The following ZDHHC13 variants were observed in gnomAD, a reference collection of about 807,000 sequenced individuals.
ZDHHC13 encodes palmitoyltransferase ZDHHC13.
A neutral mutation model predicts 86.0 loss-of-function variants in ZDHHC13; 85 were observed. The observed-to-expected ratio is 0.99, with a 90% CI of 0.83 to 1.18. The LOEUF (loss-of-function observed/expected upper bound fraction) is 1.18, where lower values mean the gene tolerates loss of function less well. Among genes scored for constraint, ZDHHC13 ranks in the 50% most tolerant of loss-of-function variants. The probability of loss-of-function intolerance (pLI) is 0.00; values close to 1 mark genes in which losing one functional copy is unlikely to be tolerated. For synonymous variants in ZDHHC13, 263 were observed against 246.4 expected, an observed-to-expected ratio of 1.07 and a Z score of -0.63; for missense variants, 711 against 730.2, an observed-to-expected ratio of 0.97 and a Z score of 0.30.
chr11:19,153,838 C>G (rs1849682944), intron 8 of ZDHHC13, among the ~76,000 whole-genome samples: 1 of 151,972 alleles, frequency 6.6e-6, no homozygotes, highest in Non-Finnish European at 1.5e-5. Context: ...GCTGGTAACT[C>G]CAGCATTCCT....
At position 19,172,723 on chromosome 11, in the gene ZDHHC13, A is replaced by T. The variant is rs1330690970; in HGVS notation, c.1633A>T (p.Ile545Phe). 1.3e-6 allele frequency: 2 copies of T among 1,591,720 alleles called. No individual in the cohort carries two copies. Among genetic ancestry groups the T allele is most frequent in the East Asian group, 2.3e-5 (1 of 44,056 alleles). The change falls in exon 16 of 17, where the codon ATT becomes TTT. Residue 545 changes from isoleucine to phenylalanine, a missense_variant and splice_region_variant. Physicochemically the swap from Ile to Phe is conservative, Grantham distance 21. Transcript: ENST00000446113. The part of the protein sequence containing the change: ...TFLLLNQLFQ[I>F]AFLGLTSHER... ...GCAACCTTCCACCCTTCTTTTTCAG[A>T]TTGCCTTTCTGGGCCTGACCTCCCA...
intron 2 of ZDHHC13, among the ~76,000 whole-genome samples, chr11:19,144,363 C>T (rs1323642018): frequency 6.6e-6 from 1 of 151,664 alleles, no homozygotes; most frequent in African/African-American, 2.4e-5. Flanking sequence ...TTCTTCAGGT[C>T]CTGGACCTTC....
At chr11:19,140,642 A>G (rs1451607896) in intron 1 of ZDHHC13, among the ~76,000 whole-genome samples, 2 of 152,124 alleles carry the variant, frequency 1.3e-5, no homozygotes, top group Admixed American at 6.5e-5. Context: ...CATTATTCAC[A>G]ATAGTGAAGA....
intron 1 of ZDHHC13, among the ~76,000 whole-genome samples, chr11:19,121,032 C>G (rs1170079373): frequency 6.6e-6 from 1 of 152,184 alleles, no homozygotes; most frequent in Non-Finnish European, 1.5e-5. Flanking sequence ...TTGTGCATTT[C>G]TCTTAAGTAG....
At chr11:19,130,855 T>C (rs1590062716) in intron 1 of ZDHHC13, among the ~76,000 whole-genome samples, 1 of 152,014 alleles carries the variant, frequency 6.6e-6, no homozygotes, top group African/African-American at 2.4e-5. Context: ...TTTTTGTTTT[T>C]TTTTTTTTGA....
chr11:19,142,842 C>T (rs1289330713), intron 1 of ZDHHC13, 136 bp from the exon 2 acceptor site: 1 of 955,778 alleles, frequency 1.0e-6, no homozygotes, highest in Non-Finnish European at 1.5e-6. Context: ...TCAAGTCATT[C>T]TCAGGATACA....
At chr11:19,158,864 T>G (rs1849830123) in intron 9 of ZDHHC13, 76 bp from the exon 10 acceptor site, 2 of 963,146 alleles carry the variant, frequency 2.1e-6, no homozygotes, top group African/African-American at 1.7e-5. Context: ...ATTACTACCA[T>G]TATTATTTAG....
intron 13 of ZDHHC13, among the ~76,000 whole-genome samples, 173 bp from the exon 14 acceptor site, chr11:19,166,129 G>A (rs573369229): frequency 6.6e-6 from 1 of 152,300 alleles, no homozygotes; most frequent in East Asian, 1.9e-4. Context: ...ACAATTGACT[G>A]TGACATATCA....
intron 1 of ZDHHC13, among the ~76,000 whole-genome samples, chr11:19,120,965 C>T (rs552247010): frequency 1.1e-4 from 16 of 152,132 alleles, no homozygotes; most frequent in South Asian, 2.1e-4. Context: ...AGCTTCAGGG[C>T]GTTAGTGAAC....
At chr11:19,117,141 G>A (rs1848660741), upstream of ZDHHC13, 2 of 1,241,890 alleles carry the variant, frequency 1.6e-6, no homozygotes, top group Admixed American at 2.0e-5. This position sits in a 1 kb window ranked among gnomAD's most constrained non-coding sequence, Gnocchi z 4.2. Flanking sequence ...AGCGGCGGAG[G>A]TGAGGGCGCC....
At chr11:19,166,523 G>A in intron 14 of ZDHHC13, 138 bp downstream of exon 14, 1 of 597,036 alleles carries the variant, frequency 1.7e-6, no homozygotes, top group African/African-American at 1.9e-5. Context: ...ATGCCTCTAA[G>A]ACTCCCTCAG....
chr11:19,154,484 G>A (rs116632037), intron 8 of ZDHHC13, among the ~76,000 whole-genome samples: 27 of 152,210 alleles, frequency 1.8e-4, no homozygotes, highest in Middle Eastern at 3.4e-3. Context: ...TAGATATGGC[G>A]TAGAGAGGTG....
intron 15 of ZDHHC13, among the ~76,000 whole-genome samples, chr11:19,171,472 A>G (rs2133483249): frequency 6.6e-6 from 1 of 152,326 alleles, no homozygotes; most frequent in Middle Eastern, 3.4e-3. Context: ...GAAGGGAGGG[A>G]AAAAGAAAGA....
chr11:19,158,828 C>A, intron 9 of ZDHHC13, 112 bp from the exon 10 acceptor site: 1 of 684,192 alleles, frequency 1.5e-6, no homozygotes, highest in Non-Finnish European at 2.4e-6. Flanking sequence ...TATGTGAAAG[C>A]TATTACTGTT....
At chr11:19,119,040 C>G (rs1314374138) in intron 1 of ZDHHC13, among the ~76,000 whole-genome samples, 1 of 152,186 alleles carries the variant, frequency 6.6e-6, no homozygotes, top group African/African-American at 2.4e-5. Context: ...CTTTTGATTC[C>G]AAGATCGGTG....
chr11:19,121,456 C>T (rs1368614795), intron 1 of ZDHHC13, among the ~76,000 whole-genome samples: 4 of 152,194 alleles, frequency 2.6e-5, no homozygotes, highest in African/African-American at 9.6e-5. Flanking sequence ...TAGTGCCCAG[C>T]ACGTAGTAGG....
At position 19,142,965 on chromosome 11, in the gene ZDHHC13, T is replaced by C; in HGVS notation, c.28-13T>C. ...ATTCTCTCATGCTTTGTCAAATGAC[T>C]CTTACTCTTCAGTGCAGGAATCACA... On this transcript the variant is annotated splice_polypyrimidine_tract_variant and intron_variant, in intron 1 of 16. Coordinates refer to ENST00000446113, the MANE Select transcript of ZDHHC13 (RefSeq NM_019028.3). 1 of 1,595,568 alleles carries C rather than the reference T, an allele frequency of 6.3e-7. No individual in the cohort carries two copies. Among genetic ancestry groups the C allele is most frequent in the Non-Finnish European group, 8.5e-7 (1 of 1,169,954 alleles).
At chr11:19,144,770 T>C (rs1009681517) in intron 2 of ZDHHC13, among the ~76,000 whole-genome samples, 1 of 152,118 alleles carries the variant, frequency 6.6e-6, no homozygotes, top group Admixed American at 6.6e-5. Flanking sequence ...TAGTTTTAAG[T>C]AGAAATAAGT....
At chr11:19,165,229 T>C in intron 13 of ZDHHC13, 84 bp downstream of exon 13, 1 of 1,284,338 alleles carries the variant, frequency 7.8e-7, no homozygotes, top group South Asian at 1.3e-5. Flanking sequence ...AAGGGCATCC[T>C]AGGGCTCCAT....
Sources: allele counts gnomAD v4.1 joint callset (sites outside exome capture counted in the v4.1 genomes callset), GRCh38; gene constraint gnomAD v4.1.1; non-coding constraint Gnocchi (gnomAD v3.1); transcripts MANE v1.5; gene names NCBI Gene and HGNC (gene_info 2026-07-23, HGNC 2026-07-21).